Variants in NUBP1 observed in about 807,000 individuals in gnomAD.
The protein encoded by NUBP1 is NUBP iron-sulfur cluster assembly factor 1, cytosolic.
A neutral mutation model predicts 41.8 loss-of-function variants in NUBP1; 46 were observed. That is an observed-to-expected ratio of 1.10 (90% CI 0.87 to 1.41). The LOEUF (loss-of-function observed/expected upper bound fraction) is 1.41, where lower values mean the gene tolerates loss of function less well. Ranked by LOEUF, NUBP1 falls within the 40% of genes most tolerant of loss-of-function variation. NUBP1 has a pLI of 0.00. For missense variants in NUBP1, 494 were observed against 414.0 expected, an observed-to-expected ratio of 1.19 and a Z score of -1.68; for synonymous variants, 189 against 154.6, an observed-to-expected ratio of 1.22 and a Z score of -1.65.
chr16:10,762,479 GC>G (rs2030084900), intron 9 of NUBP1, among the ~76,000 whole-genome samples: 1 of 152,220 alleles, frequency 6.6e-6, no homozygotes. Flanking sequence ...GCGCCCACTC[GC>G]CGCGGGGCGC....
intron 9 of NUBP1, among the ~76,000 whole-genome samples, chr16:10,763,368 G>C (rs986127591): frequency 4.6e-5 from 7 of 152,124 alleles, no homozygotes; most frequent in Non-Finnish European, 8.8e-5. Flanking sequence ...TAGGGTGCGA[G>C]GGCCACTCTG....
Position 10,767,928 on chromosome 16 carries a change from TC to T in NUBP1, c.821-19del. 7 of 1,612,332 alleles carry T rather than the reference TC, an allele frequency of 4.3e-6. No homozygotes were observed. In the South Asian group the frequency reaches 7.7e-5, roughly 18 times the overall value. On this transcript the variant is annotated intron_variant, in intron 9 of 10. Transcript: ENST00000283027. This position sits in a 1 kb window ranked among gnomAD's most constrained non-coding sequence, Gnocchi z 4.6. Reference sequence around the variant, plus strand: ...GTTTTCCTCTTGGACTGAATTGTCTTCCGTTTGTTTCTTTTTTAAGGTAAGA... The same window carrying T: ...GTTTTCCTCTTGGACTGAATTGTCTTCGTTTGTTTCTTTTTTAAGGTAAGA...
intron 2 of NUBP1, among the ~76,000 whole-genome samples, chr16:10,745,102 A>G (rs551985860): frequency 1.3e-5 from 2 of 150,696 alleles, no homozygotes; most frequent in African/African-American, 4.9e-5. Context: ...CTTGGATTTG[A>G]TTCTTGGATC....
Position 10,769,259 on chromosome 16 carries a change from A to G in NUBP1, c.*154A>G, listed in dbSNP as rs1555477275. On this transcript the variant is annotated 3_prime_UTR_variant, in exon 11 of 11. Transcript: ENST00000283027. ...AAGCCACTTTCTCAGAGACACTTTA[A>G]TCATTGAGTATTTGTACACTTTTCT... 2 of 619,386 alleles carry G rather than the reference A, an allele frequency of 3.2e-6. No homozygotes were observed. Among genetic ancestry groups the G allele is most frequent in the Non-Finnish European group, 5.8e-6 (2 of 346,140 alleles). 38.4% of individuals were successfully genotyped at this position (619,386 alleles called of 1,614,324 possible). A position where few individuals can be genotyped will look rare whatever the true frequency, so the allele number is the denominator to read the frequency against.
intron 2 of NUBP1, among the ~76,000 whole-genome samples, chr16:10,746,623 C>A (rs975122084): frequency 2.0e-5 from 3 of 152,152 alleles, no homozygotes; most frequent in Non-Finnish European, 4.4e-5. Flanking sequence ...CACCTGTAAT[C>A]CCAGCTACTT....
At chr16:10,748,874 G>T (rs1052641463) in intron 3 of NUBP1, among the ~76,000 whole-genome samples, 4 of 152,016 alleles carry the variant, frequency 2.6e-5, no homozygotes, top group Non-Finnish European at 5.9e-5. Flanking sequence ...CGGATCACTT[G>T]AGGTCAGGAG....
chr16:10,753,811 C>T (rs779818742), intron 4 of NUBP1, among the ~76,000 whole-genome samples: 1 of 152,152 alleles, frequency 6.6e-6, no homozygotes, highest in Admixed American at 6.5e-5. Context: ...GAAGGGCATT[C>T]TGGGCTAAGG....
Position 10,761,356 on chromosome 16 carries a change from C to G in NUBP1, c.607-8C>G. On this transcript the variant is annotated splice_region_variant and splice_polypyrimidine_tract_variant and intron_variant, in intron 7 of 10. Coordinates refer to ENST00000283027, the MANE Select transcript of NUBP1 (RefSeq NM_002484.4). The stretch of plus-strand genomic sequence containing the variant: ...ATGCTGGAATCACTGGTCTTTTCAC[C>G]TTCGTAGGAGGTGTCACTCCAGGAT... 6.2e-7 allele frequency: 1 copy of G among 1,613,088 alleles called. No homozygotes were observed. The highest frequency in any genetic ancestry group is 8.5e-7 in the Non-Finnish European group (1 of 1,179,300).
At chr16:10,752,236 C>T (rs1055247797) in intron 3 of NUBP1, among the ~76,000 whole-genome samples, 3 of 152,164 alleles carry the variant, frequency 2.0e-5, no homozygotes. Context: ...CCAACACTGC[C>T]GTCTCTTGGC....
intron 8 of NUBP1, 67 bp downstream of exon 8, chr16:10,761,541 G>T (rs1340623758): frequency 6.7e-6 from 9 of 1,340,928 alleles, no homozygotes; most frequent in Non-Finnish European, 8.5e-6. Flanking sequence ...CGATCGGAAG[G>T]CTGCTCTGCA....
intron 2 of NUBP1, among the ~76,000 whole-genome samples, chr16:10,744,471 G>A (rs1899971950): frequency 6.6e-6 from 1 of 152,218 alleles, no homozygotes; most frequent in East Asian, 1.9e-4. Flanking sequence ...CTACTTTCTT[G>A]ACACAATTTT....
chr16:10,761,086 G>A lies in NUBP1; in HGVS notation c.607-278G>A, dbSNP rs192072000. Reference sequence around the variant, plus strand: ...AACACTTACAAAACCATCAGATCTCGTGAAAACTCACTATCGAGACCAGCA... The same window carrying A: ...AACACTTACAAAACCATCAGATCTCATGAAAACTCACTATCGAGACCAGCA... On this transcript the variant is annotated intron_variant, in intron 7 of 10. Transcript: ENST00000283027. 6.8e-4 allele frequency: 215 copies of A among 315,704 alleles called. 2 individuals carry two copies. The highest frequency in any genetic ancestry group is 4.3e-3 in the African/African-American group (201 of 46,686). The allele number at this position is 315,704 out of a possible 1,614,324, so 19.6% of individuals were successfully genotyped here. A position where few individuals can be genotyped will look rare whatever the true frequency, so the allele number is the denominator to read the frequency against.
At chr16:10,756,626 G>A in intron 5 of NUBP1, 64 bp from the exon 6 acceptor site, 1 of 1,237,600 alleles carries the variant, frequency 8.1e-7, no homozygotes, top group South Asian at 1.6e-5. Context: ...GAAGACCTGG[G>A]GGAGGGCCTC....
At chr16:10,760,284 G>C (rs187951051) in intron 7 of NUBP1, among the ~76,000 whole-genome samples, 73 of 152,360 alleles carry the variant, frequency 4.8e-4, no homozygotes, top group African/African-American at 1.6e-3. Context: ...AGCAGCCACA[G>C]ACGGTGCCTA....
chr16:10,755,418 T>C (rs1025272130), intron 4 of NUBP1, among the ~76,000 whole-genome samples: 1 of 152,198 alleles, frequency 6.6e-6, no homozygotes, highest in African/African-American at 2.4e-5. Flanking sequence ...CCGATTTTTA[T>C]GACTCTTTTA....
At chr16:10,744,292 G>A (rs1899959383) in intron 2 of NUBP1, among the ~76,000 whole-genome samples, 1 of 152,192 alleles carries the variant, frequency 6.6e-6, no homozygotes, top group Non-Finnish European at 1.5e-5. Flanking sequence ...AGGCGAGCGC[G>A]AAGGACCTGG....
chr16:10,767,896 C>A lies in NUBP1; in HGVS notation c.821-53C>A. 6.6e-7 allele frequency: 1 copy of A among 1,514,900 alleles called. No individual in the cohort carries two copies. The highest frequency in any genetic ancestry group is 9.2e-7 in the Non-Finnish European group (1 of 1,090,044). The allele number at this position is 1,514,900 out of a possible 1,614,324, so 93.8% of individuals were successfully genotyped here. ...CGGAAAGAGCCCCAAGATCTTGTGG[C>A]CATTCTGTTTTCCTCTTGGACTGAA... On this transcript the variant is annotated intron_variant, in intron 9 of 10. Transcript: ENST00000283027. This position sits in a 1 kb window ranked among gnomAD's most constrained non-coding sequence, Gnocchi z 4.6.
At chr16:10,761,898 G>A (rs1311526149) in intron 9 of NUBP1, 39 bp downstream of exon 9, 4 of 1,521,722 alleles carry the variant, frequency 2.6e-6, no homozygotes, top group South Asian at 2.3e-5. Context: ...TCACTCCTCG[G>A]TCAGCCCCAC....
At position 10,759,140 on chromosome 16, in the gene NUBP1, C is replaced by T. The variant is rs1900768901; in HGVS notation, c.606+1113C>T. On this transcript the variant is annotated intron_variant, in intron 7 of 10. Transcript: ENST00000283027. This position sits in a 1 kb window ranked among gnomAD's most constrained non-coding sequence, Gnocchi z 4.7. ...ATAGTCTCACCTCATCCAGCACTCA[C>T]TGAGCTCTGACTCTGACATGCCGGG... is the stretch of plus-strand genomic sequence containing the variant. 6.6e-6 allele frequency among the ~76,000 whole-genome samples: 1 copy of T among 152,252 alleles called. No homozygotes were observed. Among genetic ancestry groups the T allele is most frequent in the South Asian group, 2.1e-4 (1 of 4,834 alleles).
Sources: gnomAD v4.1 joint callset for allele counts (sites outside exome capture counted in the v4.1 genomes callset) on GRCh38, gnomAD v4.1.1 for gene constraint, Gnocchi (gnomAD v3.1) non-coding constraint, MANE v1.5 for transcripts, NCBI Gene and HGNC (gene_info 2026-07-23, HGNC 2026-07-21) for gene names.